PRKAR1B: variants seen among roughly 807,000 people sequenced by gnomAD.
The protein encoded by PRKAR1B is cAMP-dependent protein kinase type I-beta regulatory subunit.
Under a neutral mutation model 46.5 loss-of-function variants are expected in PRKAR1B, and 22 were observed. That is an observed-to-expected ratio of 0.47 (90% CI 0.34 to 0.68). The LOEUF is 0.68. PRKAR1B is among the 30% of genes least tolerant of loss of function. The pLI is 0.01. For synonymous variants in PRKAR1B, 259 were observed against 217.7 expected (o/e 1.19, Z -1.67); for missense variants, 445 against 535.6 (o/e 0.83, Z 1.67).
intron 1 of PRKAR1B, among the ~76,000 whole-genome samples, chr7:725,256 G>GCAACACGAAGATCAACAACAAAAAGAT (rs1781216717): frequency 6.6e-6 from 1 of 150,402 alleles, no homozygotes; most frequent in Admixed American, 6.6e-5. Context: ...CCACCATTTT[G>GCAACACGAAGATCAACAACAAAAAGAT]CAACACGAAG....
intron 1 of PRKAR1B, among the ~76,000 whole-genome samples, chr7:725,175 C>T (rs1412471926): frequency 6.7e-6 from 1 of 149,954 alleles, no homozygotes; most frequent in Admixed American, 6.7e-5. Context: ...GATCGCGCCA[C>T]TGCACTCCAG....
intron 7 of PRKAR1B, among the ~76,000 whole-genome samples, chr7:592,426 C>A (rs1781030966): frequency 6.6e-6 from 1 of 152,190 alleles, no homozygotes; most frequent in South Asian, 2.1e-4. Context: ...CCCCTCCTGG[C>A]CCCACTGGCT....
chr7:615,293 T>C (rs1243466329), intron 4 of PRKAR1B, among the ~76,000 whole-genome samples: 1 of 139,110 alleles, frequency 7.2e-6, no homozygotes, highest in Non-Finnish European at 1.6e-5. Context: ...GGCATGGTGA[T>C]GGGCGCCTGT....
intron 4 of PRKAR1B, among the ~76,000 whole-genome samples, chr7:640,264 A>G (rs1030385752): frequency 5.3e-5 from 8 of 152,220 alleles, no homozygotes; most frequent in Non-Finnish European, 7.3e-5. Flanking sequence ...CAGACTGGGG[A>G]AAATATCTGT....
chr7:681,639 G>T (rs1044562025), intron 2 of PRKAR1B, among the ~76,000 whole-genome samples: 13 of 152,176 alleles, frequency 8.5e-5, no homozygotes, highest in African/African-American at 2.7e-4. Flanking sequence ...GAACGACCAT[G>T]GTTGTGTCCT....
chr7:691,464 T>A, intron 2 of PRKAR1B: 2 of 1,300,978 alleles, frequency 1.5e-6, no homozygotes, highest in Non-Finnish European at 2.0e-6. Flanking sequence ...CTCCCACGGA[T>A]GAAGATGCAG....
chr7:585,580 T>TAA (rs200335101), intron 7 of PRKAR1B, among the ~76,000 whole-genome samples: 7,410 of 152,052 alleles, frequency 0.049, 529 homozygotes, highest in African/African-American at 0.16. Context: ...TGACCCTAGA[T>TAA]AAGTCCCCTG....
At chr7:574,861 G>T (rs1418587352) in intron 9 of PRKAR1B, among the ~76,000 whole-genome samples, 1 of 152,242 alleles carries the variant, frequency 6.6e-6, no homozygotes, top group Non-Finnish European at 1.5e-5. Context: ...GATTGAGCCT[G>T]TAAGCACCAG....
At chr7:565,063 G>C (rs571684259) in intron 9 of PRKAR1B, 6 of 152,324 alleles carry the variant, frequency 3.9e-5, no homozygotes, top group South Asian at 4.2e-4. Context: ...AGTGGAAGGA[G>C]GGTAAACCTA....
Position 666,175 on chromosome 7 carries a change from G to T in PRKAR1B, c.440+11054C>A, listed in dbSNP as rs1054522031. ...CCCTAATCAGGGAAAGCCGGGAAGGGACCGGGATAGAACCCAAGGGCCTCC... is the reference window on the plus strand; with the variant it reads ...CCCTAATCAGGGAAAGCCGGGAAGGTACCGGGATAGAACCCAAGGGCCTCC... On this transcript the variant is annotated intron_variant, in intron 4 of 10. Coordinates refer to ENST00000537384, the MANE Select transcript of PRKAR1B (RefSeq NM_001164760.2). The surrounding 1 kb of genome is among the most constrained non-coding windows in gnomAD (Gnocchi z 4.9). Among the ~76,000 whole-genome samples, 3 of 152,206 alleles carry T rather than the reference G, an allele frequency of 2.0e-5. No homozygotes were observed. The highest frequency in any genetic ancestry group is 4.4e-5 in the Non-Finnish European group (3 of 68,048).
chr7:579,631 G>A (rs914796708), intron 8 of PRKAR1B, among the ~76,000 whole-genome samples: 6 of 152,222 alleles, frequency 3.9e-5, no homozygotes, highest in Non-Finnish European at 8.8e-5. Flanking sequence ...CAGTTGCGGA[G>A]GGAGCTATTC....
intron 7 of PRKAR1B, among the ~76,000 whole-genome samples, chr7:585,994 G>A (rs545126013): frequency 2.6e-5 from 4 of 152,276 alleles, no homozygotes; most frequent in East Asian, 3.9e-4. Flanking sequence ...CCAGGGGCAC[G>A]CAGACACAGT....
At chr7:689,806 A>T (rs1779310364) in intron 2 of PRKAR1B, among the ~76,000 whole-genome samples, 1 of 151,924 alleles carries the variant, frequency 6.6e-6, no homozygotes, top group South Asian at 2.1e-4. Context: ...CAGCCTCTCG[A>T]GTAGCTGGGA....
Position 579,282 on chromosome 7 carries a change from C to T in PRKAR1B, c.865G>A (p.Gly289Arg). Residue 289 changes from glycine to arginine, a missense_variant, in exon 9 of 11, where the codon GGG (glycine) becomes AGG (arginine). Transcript: ENST00000537384. ...GEKIVVQGEP[G>R]DDFYIITEGT... Reference sequence around the variant, plus strand: ...TCCGTGATGATGTAAAAGTCGTCCCCAGGCTCTCCCTGGACCACAATTTTC... The same window carrying T: ...TCCGTGATGATGTAAAAGTCGTCCCTAGGCTCTCCCTGGACCACAATTTTC... The T allele has an allele frequency of 5.6e-6, 9 of 1,614,190 alleles. No homozygotes were observed. Among genetic ancestry groups the T allele is most frequent in the Non-Finnish European group, 6.8e-6 (8 of 1,180,040 alleles).
intron 1 of PRKAR1B, among the ~76,000 whole-genome samples, chr7:722,829 G>A (rs568606062): frequency 1.9e-4 from 29 of 152,194 alleles, no homozygotes; most frequent in East Asian, 3.8e-4. Flanking sequence ...TTTGGGTTAC[G>A]ATGTTTGCAG....
chr7:562,758 G>A (rs1305848504), intron 9 of PRKAR1B, among the ~76,000 whole-genome samples: 7 of 152,120 alleles, frequency 4.6e-5, no homozygotes, highest in Admixed American at 3.9e-4. Flanking sequence ...CCCTCCAGCT[G>A]TTCTCTTCCT....
Position 579,251 on chromosome 7 carries a change from C to T in PRKAR1B, c.891+5G>A, listed in dbSNP as rs1780043589. 1.2e-6 allele frequency: 2 copies of T among 1,614,114 alleles called. No homozygotes were observed. The highest frequency in any genetic ancestry group is 1.7e-6 in the Non-Finnish European group (2 of 1,180,012). ...CAGAGCGCCCACGTGGGAAGCACGTCTCACCTCCGTGATGATGTAAAAGTC... is the reference window on the plus strand; with the variant it reads ...CAGAGCGCCCACGTGGGAAGCACGTTTCACCTCCGTGATGATGTAAAAGTC... On this transcript the variant is annotated splice_donor_5th_base_variant and intron_variant, in intron 9 of 10. Transcript: ENST00000537384.
chr7:553,781 C>G (rs1240574294), intron 9 of PRKAR1B, among the ~76,000 whole-genome samples: 1 of 152,274 alleles, frequency 6.6e-6, no homozygotes, highest in Non-Finnish European at 1.5e-5. Flanking sequence ...CCCGCCACGC[C>G]TAGAATCTCC....
Position 644,743 on chromosome 7 carries a change from C to A in PRKAR1B, c.440+32486G>T, listed in dbSNP as rs984945239. Among the ~76,000 whole-genome samples, 3 of 152,166 alleles carry A rather than the reference C, an allele frequency of 2.0e-5. No homozygotes were observed. The South Asian group carries it at 6.2e-4, about 32-fold the overall frequency. On this transcript the variant is annotated intron_variant, in intron 4 of 10. Transcript: ENST00000537384. The surrounding 1 kb of genome is among the most constrained non-coding windows in gnomAD (Gnocchi z 4.9). ...AAGGGCAAACCCCAGCTCTCCCTCC[C>A]AGAGGGCAGGCACCAGGGCCAGACC...
Sources: allele counts gnomAD v4.1 joint callset (sites outside exome capture counted in the v4.1 genomes callset), GRCh38; gene constraint gnomAD v4.1.1; non-coding constraint Gnocchi (gnomAD v3.1); transcripts MANE v1.5; gene names NCBI Gene and HGNC (gene_info 2026-07-23, HGNC 2026-07-21).